Variants in CHCHD6 observed in about 807,000 individuals in gnomAD.
The protein encoded by CHCHD6 is coiled-coil-helix-coiled-coil-helix domain containing 6.
Under a neutral mutation model 32.3 loss-of-function variants are expected in CHCHD6, and 28 were observed. The observed-to-expected ratio is 0.87, with a 90% CI of 0.64 to 1.19. CHCHD6 has a LOEUF of 1.19. Ranked by LOEUF, CHCHD6 falls within the 50% of genes most tolerant of loss-of-function variation. CHCHD6 has a pLI of 0.00. For missense variants in CHCHD6, 333 were observed against 307.0 expected, an observed-to-expected ratio of 1.08 and a Z score of -0.63; for synonymous variants, 122 against 117.5, an observed-to-expected ratio of 1.04 and a Z score of -0.25.
chr3:126,805,927 C>T lies in CHCHD6; in HGVS notation c.412-46720C>T, dbSNP rs186566652. On this transcript the variant is annotated intron_variant, in intron 4 of 7. Coordinates refer to ENST00000290913, the MANE Select transcript of CHCHD6 (RefSeq NM_032343.3). ...TCTACAACTATTGATCTTTGACAAA[C>T]CTGAGAAAAACAAGCAATGGGGAAA... Among the ~76,000 whole-genome samples, 24 of 152,194 alleles carry T rather than the reference C, an allele frequency of 1.6e-4. No individual in the cohort carries two copies. In the East Asian group the frequency reaches 3.9e-3, roughly 24 times the overall value.
chr3:126,922,542 G>A (rs977861376), intron 6 of CHCHD6, among the ~76,000 whole-genome samples: 1 of 152,188 alleles, frequency 6.6e-6, no homozygotes, highest in Non-Finnish European at 1.5e-5. Context: ...CAGGATGGGG[G>A]CATTCAGCTG....
intron 4 of CHCHD6, among the ~76,000 whole-genome samples, chr3:126,813,925 TC>T (rs1300965512): frequency 3.3e-5 from 5 of 152,080 alleles, no homozygotes; most frequent in African/African-American, 1.2e-4. Flanking sequence ...GTAGTTCTCA[TC>T]CAGATGGGAG....
chr3:126,900,517 A>C (rs1200222331), intron 5 of CHCHD6, among the ~76,000 whole-genome samples: 1 of 152,102 alleles, frequency 6.6e-6, no homozygotes, highest in Non-Finnish European at 1.5e-5. Context: ...GAAGCTTCCA[A>C]TCATGGCAGA....
chr3:126,901,107 A>G (rs2077920565), intron 5 of CHCHD6, among the ~76,000 whole-genome samples: 1 of 152,180 alleles, frequency 6.6e-6, no homozygotes, highest in Non-Finnish European at 1.5e-5. Flanking sequence ...CTTGGCACAG[A>G]GCAGGTGCTG....
At chr3:126,882,213 G>A (rs974548198) in intron 5 of CHCHD6, among the ~76,000 whole-genome samples, 1 of 152,184 alleles carries the variant, frequency 6.6e-6, no homozygotes, top group East Asian at 1.9e-4. Flanking sequence ...AGCAGGAAGC[G>A]GTGTGGAGTA....
At chr3:126,952,587 G>A (rs962506689) in intron 6 of CHCHD6, among the ~76,000 whole-genome samples, 27 of 152,280 alleles carry the variant, frequency 1.8e-4, no homozygotes, top group Admixed American at 9.1e-4. Context: ...AGTGAGGCTC[G>A]GCATGGGGCC....
At chr3:126,727,308 C>G in intron 2 of CHCHD6, 122 bp downstream of exon 2, 1 of 583,564 alleles carries the variant, frequency 1.7e-6, no homozygotes, top group South Asian at 2.8e-5. Context: ...CGTTAAGCAG[C>G]TCTGTCTGGT....
rs144403064 is a variant in CHCHD6 at position 126,796,710 on chromosome 3, T to C, written c.412-55937T>C. ...AACAATGGAAATGTCAGAGTCCTTCTGTTAGTGGGCCATGGAGATGGCACC... is the reference window on the plus strand; with the variant it reads ...AACAATGGAAATGTCAGAGTCCTTCCGTTAGTGGGCCATGGAGATGGCACC... On this transcript the variant is annotated intron_variant, in intron 4 of 7. Transcript: ENST00000290913. Among the ~76,000 whole-genome samples, 930 of 152,250 alleles carry C rather than the reference T, an allele frequency of 6.1e-3. 9 individuals are homozygous for C. Among genetic ancestry groups the C allele is most frequent in the African/African-American group, 0.021 (888 of 41,552 alleles).
chr3:126,892,953 G>GTTGTT (rs199872466), intron 5 of CHCHD6, among the ~76,000 whole-genome samples: 2,112 of 151,702 alleles, frequency 0.014, 43 homozygotes, highest in East Asian at 0.097. Context: ...TGTTGTTGTT[G>GTTGTT]TTGTTTTGTT....
chr3:126,712,381 A>T (rs1934790668), intron 1 of CHCHD6, among the ~76,000 whole-genome samples: 1 of 152,244 alleles, frequency 6.6e-6, no homozygotes, highest in South Asian at 2.1e-4. Flanking sequence ...CTCATATATG[A>T]TGAAATTCCA....
intron 1 of CHCHD6, among the ~76,000 whole-genome samples, chr3:126,708,453 C>T (rs1934603518): frequency 6.6e-6 from 1 of 152,134 alleles, no homozygotes; most frequent in South Asian, 2.1e-4. Flanking sequence ...GGAGGCCACG[C>T]TGCAGTTCTC....
intron 6 of CHCHD6, among the ~76,000 whole-genome samples, chr3:126,935,776 A>G (rs375755525): frequency 3.9e-4 from 60 of 152,268 alleles, no homozygotes; most frequent in African/African-American, 1.4e-3. Context: ...GCAGAAATGC[A>G]TCTTTAAGAA....
intron 4 of CHCHD6, among the ~76,000 whole-genome samples, chr3:126,736,787 TCTCC>T (rs1365095262): frequency 6.6e-6 from 1 of 152,118 alleles, no homozygotes; most frequent in Non-Finnish European, 1.5e-5. Context: ...GAGAGGTGTT[TCTCC>T]CTCTGAGTTG....
intron 5 of CHCHD6, among the ~76,000 whole-genome samples, chr3:126,873,550 G>C (rs2077504198): frequency 6.6e-6 from 1 of 152,182 alleles, no homozygotes; most frequent in Admixed American, 6.5e-5. Context: ...GTTGGTTCAG[G>C]TTGGTCAGCC....
At chr3:126,917,172 C>T (rs1471095922) in intron 6 of CHCHD6, among the ~76,000 whole-genome samples, 1 of 152,184 alleles carries the variant, frequency 6.6e-6, no homozygotes, top group East Asian at 1.9e-4. Flanking sequence ...TTACAGCATC[C>T]CTTGATAATA....
intron 5 of CHCHD6, among the ~76,000 whole-genome samples, chr3:126,879,139 G>C (rs930971357): frequency 1.3e-5 from 2 of 152,338 alleles, no homozygotes; most frequent in East Asian, 3.9e-4. Context: ...GTGTTTTGCA[G>C]TCTAGCCTTG....
intron 5 of CHCHD6, among the ~76,000 whole-genome samples, chr3:126,888,510 T>G (rs1252542758): frequency 6.6e-6 from 1 of 152,160 alleles, no homozygotes; most frequent in African/African-American, 2.4e-5. Context: ...CTAATATCAC[T>G]AGGGTCAATA....
intron 4 of CHCHD6, among the ~76,000 whole-genome samples, chr3:126,822,346 G>A (rs932381687): frequency 1.3e-5 from 2 of 152,076 alleles, no homozygotes; most frequent in Admixed American, 6.6e-5. Flanking sequence ...TGTGGAATTG[G>A]CACCTTTGTT....
At chr3:126,763,989 A>G (rs1415683670) in intron 4 of CHCHD6, among the ~76,000 whole-genome samples, 1 of 152,026 alleles carries the variant, frequency 6.6e-6, no homozygotes, top group Admixed American at 6.6e-5. Context: ...ACCACAGAGA[A>G]TAAAGCTAAA....
Sources: gnomAD v4.1 joint callset for allele counts (sites outside exome capture counted in the v4.1 genomes callset) on GRCh38, gnomAD v4.1.1 for gene constraint, MANE v1.5 for transcripts, NCBI Gene and HGNC (gene_info 2026-07-23, HGNC 2026-07-21) for gene names.